SDC1: variants seen among roughly 807,000 people sequenced by gnomAD.
SDC1 encodes the protein syndecan-1.
SDC1 carries 14 observed loss-of-function variants against 29.7 expected under a neutral mutation model. The ratio of observed to expected loss-of-function variants is 0.47; its 90% CI spans 0.31 to 0.74. The LOEUF (loss-of-function observed/expected upper bound fraction) is 0.74, where lower values mean the gene tolerates loss of function less well. Among genes scored for constraint, SDC1 ranks in the 30% least tolerant of loss-of-function variants. SDC1 has a pLI of 0.05. For missense variants in SDC1, 406 were observed against 400.3 expected (o/e 1.01, Z -0.12); for synonymous variants, 204 against 175.5 (o/e 1.16, Z -1.29).
At chr2:20,205,529 C>T (rs942613034) in intron 1 of SDC1, 105 bp from the exon 2 acceptor site, 5 of 845,546 alleles carry the variant, frequency 5.9e-6, no homozygotes, top group Non-Finnish European at 9.7e-6. Flanking sequence ...CCCTGTGCTG[C>T]ACAGGTACAC....
intron 1 of SDC1, among the ~76,000 whole-genome samples, chr2:20,220,518 T>C (rs895852830): frequency 2.0e-5 from 3 of 152,164 alleles, no homozygotes; most frequent in African/African-American, 7.2e-5. Context: ...GAAAGAAAAG[T>C]ACTGAGCACT....
chr2:20,210,565 G>A (rs368309286), intron 1 of SDC1, among the ~76,000 whole-genome samples: 2 of 152,224 alleles, frequency 1.3e-5, no homozygotes, highest in African/African-American at 2.4e-5. Context: ...GCAGTCATTC[G>A]TGGTGGAGCA....
At chr2:20,219,717 C>T (rs1314501009) in intron 1 of SDC1, among the ~76,000 whole-genome samples, 2 of 152,340 alleles carry the variant, frequency 1.3e-5, no homozygotes, top group South Asian at 2.1e-4. Flanking sequence ...CTCTCAGGGC[C>T]TCAGGGGCCC....
chr2:20,221,131 C>A (rs1436043808), intron 1 of SDC1, among the ~76,000 whole-genome samples: 2 of 152,170 alleles, frequency 1.3e-5, no homozygotes, highest in African/African-American at 4.8e-5. Flanking sequence ...GGGGAGACTG[C>A]AACAGGTCCC....
rs1476560202 is a variant in SDC1 at position 20,225,114 on chromosome 2, T to G, written c.-247A>C. 2.7e-5 allele frequency: 9 copies of G among 332,430 alleles called. No homozygotes were observed. Among genetic ancestry groups the G allele is most frequent in the Non-Finnish European group, 4.0e-5 (8 of 199,514 alleles). 20.6% of individuals were successfully genotyped at this position (332,430 alleles called of 1,614,324 possible). A position where few individuals can be genotyped will look rare whatever the true frequency, so the allele number is the denominator to read the frequency against. On this transcript the variant is annotated 5_prime_UTR_variant, in exon 1 of 5. Coordinates refer to ENST00000254351, the MANE Select transcript of SDC1 (RefSeq NM_002997.5). ...TATAATAAACCCACAGGCCCTTCCT[T>G]AGCCGTTGCAAAAACTGGCCCCCCA...
Position 20,201,094 on chromosome 2 carries a change from G to T in SDC1, c.*1672C>A, listed in dbSNP as rs1401254564. 1 of 152,310 alleles carries T rather than the reference G, an allele frequency of 6.6e-6. No homozygotes were observed. The highest frequency in any genetic ancestry group is 1.5e-5 in the Non-Finnish European group (1 of 68,092). The allele number at this position is 152,310 out of a possible 1,614,324, so 9.4% of individuals were successfully genotyped here. On this transcript the variant is annotated 3_prime_UTR_variant, in exon 5 of 5. Transcript: ENST00000254351. ...TAAGTGCAGGAGCCCTGGGCTGGGGGCCTCTGGCCTCTGCAGCCGGGTGGG... is the reference window on the plus strand; with the variant it reads ...TAAGTGCAGGAGCCCTGGGCTGGGGTCCTCTGGCCTCTGCAGCCGGGTGGG...
In SDC1 at chr2:20,218,915, C is replaced by A. The variant is rs535175309; in HGVS notation, c.66+5887G>T. ...AGAGAGTTTTTCCCAGGGCTGACGG[C>A]CAGAGGAGGCCCATCCTCTACACAA... is the stretch of plus-strand genomic sequence containing the variant. On this transcript the variant is annotated intron_variant, in intron 1 of 4. Transcript: ENST00000254351. Among the ~76,000 whole-genome samples the A allele has an allele frequency of 3.9e-5, 6 of 152,234 alleles. No individual in the cohort carries two copies. In the South Asian group the frequency reaches 1.2e-3, roughly 32 times the overall value.
At chr2:20,223,482 G>A in intron 1 of SDC1, 1 of 338,466 alleles carries the variant, frequency 3.0e-6, no homozygotes, top group East Asian at 8.6e-5. Context: ...CAGATGTAGT[G>A]GCGAGACACC....
chr2:20,218,789 A>G (rs1287426166), intron 1 of SDC1, among the ~76,000 whole-genome samples: 1 of 151,098 alleles, frequency 6.6e-6, no homozygotes, highest in Non-Finnish European at 1.5e-5. Context: ...ATGGAGACAC[A>G]CAGATATACA....
At position 20,204,091 on chromosome 2, in the gene SDC1, G is replaced by C; in HGVS notation, c.349C>G (p.Arg117Gly). The C allele has an allele frequency of 6.2e-7, 1 of 1,609,496 alleles. No individual in the cohort carries two copies. The highest frequency in any genetic ancestry group is 8.5e-7 in the Non-Finnish European group (1 of 1,179,872). ...GGTCGGGGGGTGGCCTCCTGCTCCC[G>C]GGCGGTGAGGCCAGGCTCCACTTCT... is the stretch of plus-strand genomic sequence containing the variant. Reference protein sequence around the residue: ...LPEVEPGLTAREQEATPRPRE... With the variant: ...LPEVEPGLTAGEQEATPRPRE... Residue 117 changes from arginine to glycine, a missense_variant, in exon 3 of 5, where the codon CGG (arginine) becomes GGG (glycine). Coordinates refer to ENST00000254351, the MANE Select transcript of SDC1 (RefSeq NM_002997.5).
intron 1 of SDC1, chr2:20,223,246 AC>A (rs1412950790): frequency 7.7e-7 from 1 of 1,301,586 alleles, no homozygotes; most frequent in East Asian, 5.5e-5. Context: ...CTCAGAAACG[AC>A]TGTCCCTACC....
chr2:20,204,488 T>C (rs34993604), intron 2 of SDC1, among the ~76,000 whole-genome samples, 197 bp from the exon 3 acceptor site: 1,542 of 152,154 alleles, frequency 0.01, 16 homozygotes, highest in Non-Finnish European at 0.016. Context: ...TCCCTTCCCA[T>C]TGTGTGTGTC....
chr2:20,216,174 G>A (rs1677620987), intron 1 of SDC1, among the ~76,000 whole-genome samples: 1 of 152,216 alleles, frequency 6.6e-6, no homozygotes, highest in Non-Finnish European at 1.5e-5. Context: ...GACTTTCCAG[G>A]CCTGACCCCA....
intron 3 of SDC1, among the ~76,000 whole-genome samples, chr2:20,203,528 T>C (rs1470581049): frequency 6.6e-6 from 1 of 152,200 alleles, no homozygotes; most frequent in Admixed American, 6.5e-5. Flanking sequence ...AAATAAAAAA[T>C]TGGACTTGGT....
At chr2:20,218,464 T>A (rs1677701462) in intron 1 of SDC1, among the ~76,000 whole-genome samples, 1 of 151,562 alleles carries the variant, frequency 6.6e-6, no homozygotes, top group Admixed American at 6.6e-5. Flanking sequence ...AAGTCAGGAG[T>A]GCCCAGGCAA....
chr2:20,215,217 G>A (rs891096387), intron 1 of SDC1, among the ~76,000 whole-genome samples: 4 of 152,216 alleles, frequency 2.6e-5, no homozygotes, highest in Non-Finnish European at 5.9e-5. Context: ...CTGGGGACAG[G>A]CCACCGTGCC....
At chr2:20,203,035 T>C in intron 4 of SDC1, 52 bp downstream of exon 4, 3 of 1,570,380 alleles carry the variant, frequency 1.9e-6, no homozygotes, top group Non-Finnish European at 2.6e-6. Flanking sequence ...AGCCCCACCC[T>C]GACCCCACAG....
In SDC1 at chr2:20,206,894, T is replaced by C. The variant is rs570704592; in HGVS notation, c.67-1470A>G. Among the ~76,000 whole-genome samples the C allele has an allele frequency of 6.6e-5, 10 of 152,326 alleles. No individual in the cohort carries two copies. In the East Asian group the frequency reaches 1.9e-3, roughly 29 times the overall value. ...ACTGTCTAACTAGGGGAGCCTCAAA[T>C]GCCAGCAGGCCTGTCTAGAAAGAGG... On this transcript the variant is annotated intron_variant, in intron 1 of 4. Transcript: ENST00000254351.
rs555114454 is a variant in SDC1 at position 20,204,019 on chromosome 2, T to C, written c.421A>G (p.Thr141Ala). The C allele has an allele frequency of 6.2e-7, 1 of 1,613,294 alleles. No individual in the cohort carries two copies. The highest frequency in any genetic ancestry group is 1.3e-5 in the African/African-American group (1 of 74,976). Residue 141 changes from threonine (T) to alanine (A), a missense_variant, in exon 3 of 5, where the codon ACA becomes GCA. Thr to Ala is a moderately conservative substitution (Grantham distance 58). Transcript: ENST00000254351. ...GCGGGCTCCTGGGCCGTGGTGGCTG[T>C]GGTCGTTGAGGCCAGATGAGTGGTC... ...LPTTHLASTT[T>A]ATTAQEPATS...
Sources: gnomAD v4.1 joint callset for allele counts (sites outside exome capture counted in the v4.1 genomes callset) on GRCh38, gnomAD v4.1.1 for gene constraint, MANE v1.5 for transcripts, NCBI Gene and HGNC (gene_info 2026-07-23, HGNC 2026-07-21) for gene names.